The following CRHBP variants were observed in gnomAD, a reference collection of about 807,000 sequenced individuals.
CRHBP encodes corticotropin releasing hormone binding protein.
CRHBP carries 19 observed loss-of-function variants against 34.9 expected under a neutral mutation model. The observed-to-expected ratio is 0.55, with a 90% confidence interval of 0.38 to 0.80. The LOEUF (loss-of-function observed/expected upper bound fraction) is 0.80. Among genes scored for constraint, CRHBP ranks in the 30% least tolerant of loss-of-function variants. CRHBP has a pLI of 0.00. For synonymous variants in CRHBP, 154 were observed against 153.4 expected (o/e 1.00, Z -0.03); for missense variants, 328 against 409.2 (o/e 0.80, Z 1.71).
chr5:76,972,497 C>CA (rs537808538), downstream of CRHBP, among the ~76,000 whole-genome samples: 54 of 144,168 alleles, frequency 3.7e-4, no homozygotes, highest in South Asian at 1.1e-3. Context: ...GACTCCGTCT[C>CA]AAAAAAAAAA....
At chr5:76,963,788 C>T (rs997036644) in intron 6 of CRHBP, among the ~76,000 whole-genome samples, 2 of 152,012 alleles carry the variant, frequency 1.3e-5, no homozygotes, top group Non-Finnish European at 2.9e-5. Context: ...CTAACTGAAA[C>T]ACTTATGGTT....
At position 76,963,644 on chromosome 5, in the gene CRHBP, C is replaced by T. The variant is rs1423360333; in HGVS notation, c.811+184C>T. The stretch of plus-strand genomic sequence containing the variant: ...AGTATCTTTACCAAAATATCCGACA[C>T]TGGGAGAGAAACCTTTGAAGCAATA... On this transcript the variant is annotated intron_variant, in intron 6 of 6. Coordinates refer to ENST00000274368, the MANE Select transcript of CRHBP (RefSeq NM_001882.4). Among the ~76,000 whole-genome samples, 5 of 152,208 alleles carry T rather than the reference C, an allele frequency of 3.3e-5. No homozygotes were observed. The South Asian group carries it at 1.0e-3, about 32-fold the overall frequency.
At chr5:76,963,214 GTTAAA>G in intron 5 of CRHBP, 124 bp from the exon 6 acceptor site, 1 of 669,806 alleles carries the variant, frequency 1.5e-6, no homozygotes, top group Non-Finnish European at 2.6e-6. Flanking sequence ...AGTCCCAGAT[GTTAAA>G]TTAAATGGTA....
At chr5:76,956,171 G>C (rs1014531578) in intron 4 of CRHBP, among the ~76,000 whole-genome samples, 9 of 152,132 alleles carry the variant, frequency 5.9e-5, no homozygotes, top group African/African-American at 2.2e-4. Context: ...AATCTTCCAA[G>C]TCATTTCACT....
At chr5:76,955,982 G>A (rs1745662727) in intron 4 of CRHBP, 119 bp downstream of exon 4, 5 of 849,312 alleles carry the variant, frequency 5.9e-6, no homozygotes, top group Non-Finnish European at 9.0e-6. Flanking sequence ...AAATTTTTTT[G>A]TAATTAGAAA....
intron 6 of CRHBP, among the ~76,000 whole-genome samples, chr5:76,965,433 C>G (rs1745846780): frequency 6.6e-6 from 1 of 152,220 alleles, no homozygotes; most frequent in Non-Finnish European, 1.5e-5. Flanking sequence ...AGAGGATTCT[C>G]TAATGCTAAT....
Position 76,954,051 on chromosome 5 carries a change from C to A in CRHBP, c.198C>A (p.Leu66=). The part of the protein sequence containing the change: ...RALRCLDMLS[L]QGQFTFTADR... The stretch of plus-strand genomic sequence containing the variant: ...CAGGGTGCCTGGACATGCTGAGCCT[C>A]CAGGGCCAGTTCACCTTCACCGCCG... The change falls in exon 3 of 7, where the codon CTC becomes CTA. Residue 66 remains leucine, a synonymous_variant. Transcript: ENST00000274368. 1 of 1,613,810 alleles carries A rather than the reference C, an allele frequency of 6.2e-7. No homozygotes were observed. Among genetic ancestry groups the A allele is most frequent in the Non-Finnish European group, 8.5e-7 (1 of 1,179,884 alleles).
chr5:76,954,988 T>TACG (rs1745646408), intron 3 of CRHBP, among the ~76,000 whole-genome samples: 1 of 152,214 alleles, frequency 6.6e-6, no homozygotes, highest in Admixed American at 6.5e-5. Flanking sequence ...TTGGACTCGT[T>TACG]AAACTGGAGA....
At chr5:76,971,646 A>G (rs976202442), downstream of CRHBP, among the ~76,000 whole-genome samples, 2 of 152,132 alleles carry the variant, frequency 1.3e-5, no homozygotes, top group Non-Finnish European at 2.9e-5. Context: ...ATTCACACAC[A>G]TCTCTTCTCA....
At position 76,958,803 on chromosome 5, in the gene CRHBP, C is replaced by T; in HGVS notation, c.607C>T (p.Arg203Ter). ...KFTLVVPHQH[R>*]NCSFSIIYPV... ...TACCCTGGTAGTTCCACACCAGCAT[C>T]GAAACTGCAGCTTCTCCATAATTTA... is the stretch of plus-strand genomic sequence containing the variant. The change falls in exon 5 of 7, where the codon CGA becomes TGA. Residue 203 changes from arginine (R) to a stop codon, truncating the protein, a stop_gained. Coordinates refer to ENST00000274368, the MANE Select transcript of CRHBP (RefSeq NM_001882.4). LOFTEE classifies it high-confidence loss of function. 4 of 1,614,036 alleles carry T rather than the reference C, an allele frequency of 2.5e-6. No homozygotes were observed. The highest frequency in any genetic ancestry group is 3.4e-6 in the Non-Finnish European group (4 of 1,179,934).
chr5:76,980,078 C>T (rs1229264235), intron 3 of CRHBP, among the ~76,000 whole-genome samples: 4 of 150,964 alleles, frequency 2.6e-5, no homozygotes, highest in Admixed American at 2.6e-4. Flanking sequence ...GGTGAAACCC[C>T]GTCTCTACTA....
At chr5:76,970,917 T>A (rs1745935332), downstream of CRHBP, among the ~76,000 whole-genome samples, 1 of 152,204 alleles carries the variant, frequency 6.6e-6, no homozygotes, top group Admixed American at 6.5e-5. Context: ...TCAAAGCTTG[T>A]TAGTGAACAA....
At chr5:76,957,861 G>T (rs1462823469) in intron 4 of CRHBP, among the ~76,000 whole-genome samples, 1 of 151,926 alleles carries the variant, frequency 6.6e-6, no homozygotes, top group Non-Finnish European at 1.5e-5. Flanking sequence ...CTCACTATTA[G>T]AAAAATACTT....
At chr5:76,965,946 C>G (rs1359512720) in intron 6 of CRHBP, among the ~76,000 whole-genome samples, 3 of 152,238 alleles carry the variant, frequency 2.0e-5, no homozygotes, top group Non-Finnish European at 2.9e-5. Flanking sequence ...GGAGAAAGCA[C>G]TCCGCAGGGT....
rs555024123 is a variant in CRHBP at position 76,953,758 on chromosome 5, G to A, written c.175+64G>A. 116 of 1,477,320 alleles carry A rather than the reference G, an allele frequency of 7.9e-5. No homozygotes were observed. The African/African-American group carries it at 1.4e-3, about 18-fold the overall frequency. 91.5% of individuals were successfully genotyped at this position (1,477,320 alleles called of 1,614,324 possible). A position where few individuals can be genotyped will look rare whatever the true frequency, so the allele number is the denominator to read the frequency against. ...CGGGGAAGGTGGGACTCTGTGCGGGGGGCAGAGGGCTCGCGGACATCTCGG... is the reference window on the plus strand; with the variant it reads ...CGGGGAAGGTGGGACTCTGTGCGGGAGGCAGAGGGCTCGCGGACATCTCGG... On this transcript the variant is annotated intron_variant, in intron 2 of 6. Transcript: ENST00000274368.
intron 1 of CRHBP, 54 bp from the exon 2 acceptor site, chr5:76,953,547 C>CT (rs1745607549): frequency 4.5e-6 from 7 of 1,556,120 alleles, no homozygotes; most frequent in Non-Finnish European, 6.1e-6. Context: ...TCCTGGTCCC[C>CT]TTTTTTATCC....
intron 2 of CRHBP, among the ~76,000 whole-genome samples, chr5:76,975,145 G>A (rs1480957222): frequency 6.6e-6 from 1 of 152,150 alleles, no homozygotes; most frequent in Non-Finnish European, 1.5e-5. Context: ...GGTTTTTAAA[G>A]TTTAAGAAAA....
intron 1 of CRHBP, 106 bp downstream of exon 1, chr5:76,953,321 C>A: frequency 9.4e-7 from 1 of 1,066,042 alleles, no homozygotes; most frequent in Non-Finnish European, 1.4e-6. Context: ...TGTTTCTTCC[C>A]TCTCTGCTGG....
rs146589192 is a variant in CRHBP at position 76,958,849 on chromosome 5, C to A, written c.653C>A (p.Ser218Tyr). 26 of 1,614,050 alleles carry A rather than the reference C, an allele frequency of 1.6e-5. No homozygotes were observed. The African/African-American group carries it at 3.2e-4, about 20-fold the overall frequency. Residue 218 changes from serine to tyrosine, a missense_variant, in exon 5 of 7, where the codon TCT (serine) becomes TAT (tyrosine). Transcript: ENST00000274368. ...ATTTATCCTGTGGTGATCAAAATAT[C>A]TGATCTTACCCTGGGACACGTAAAT... is the stretch of plus-strand genomic sequence containing the variant. ...SIIYPVVIKI[S>Y]DLTLGHVNGL...
Sources: gnomAD v4.1 joint callset for allele counts (sites outside exome capture counted in the v4.1 genomes callset) on GRCh38, gnomAD v4.1.1 for gene constraint, MANE v1.5 for transcripts, NCBI Gene and HGNC (gene_info 2026-07-23, HGNC 2026-07-21) for gene names.